Variants in SIRT4 observed in about 807,000 individuals in gnomAD.
SIRT4 encodes NAD-dependent protein lipoamidase sirtuin-4, mitochondrial.
Under a neutral mutation model 26.1 loss-of-function variants are expected in SIRT4, and 23 were observed. That is an observed-to-expected ratio of 0.88 (90% CI 0.63 to 1.25). SIRT4 has a LOEUF of 1.25. SIRT4 is among the 50% of genes most tolerant of loss of function. The pLI, the probability that SIRT4 is intolerant of heterozygous loss-of-function variation, is 0.00. For synonymous variants in SIRT4, 155 were observed against 158.4 expected (o/e 0.98, Z 0.16); for missense variants, 361 against 405.4 (o/e 0.89, Z 0.94).
At chr12:120,301,250 C>T (rs1872533613), upstream of SIRT4, among the ~76,000 whole-genome samples, 1 of 152,116 alleles carries the variant, frequency 6.6e-6, no homozygotes, top group African/African-American at 2.4e-5. Context: ...GAGGCTGAGG[C>T]AGGAGAATTG....
At chr12:120,298,424 C>T (rs1872413753), upstream of SIRT4, among the ~76,000 whole-genome samples, 1 of 151,796 alleles carries the variant, frequency 6.6e-6, no homozygotes, top group Non-Finnish European at 1.5e-5. Flanking sequence ...GAAACCCCGT[C>T]TCTACAAAAA....
the SIRT4 span, chr12:120,293,151 G>T: frequency 2.2e-4 from 34 of 152,280 alleles, no homozygotes; most frequent in Non-Finnish European, 3.8e-4. Flanking sequence ...AAGTCGTCAC[G>T]GCGGGGTATT....
chr12:120,291,921 GC>G, the SIRT4 span: 1 of 152,200 alleles, frequency 6.6e-6, no homozygotes, highest in African/African-American at 2.4e-5. Context: ...TTCTGTTCGC[GC>G]CCCGCTCCCC....
At chr12:120,292,178 G>A in the SIRT4 span, among the ~76,000 whole-genome samples, 1 of 152,220 alleles carries the variant, frequency 6.6e-6, no homozygotes, top group Non-Finnish European at 1.5e-5. Flanking sequence ...TGAATTTTGA[G>A]CGAGGAGAGT....
At chr12:120,292,972 C>T in the SIRT4 span, 3 of 152,074 alleles carry the variant, frequency 2.0e-5, no homozygotes, top group East Asian at 1.9e-4. Context: ...CGCGAATCAG[C>T]TGGTAAGACA....
chr12:120,302,133 A>G (rs1011870967), upstream of SIRT4, among the ~76,000 whole-genome samples: 2 of 152,184 alleles, frequency 1.3e-5, no homozygotes, highest in Non-Finnish European at 2.9e-5. Context: ...GTGCCCACAG[A>G]AATTGAAAAC....
the SIRT4 span, chr12:120,293,226 C>T: frequency 1.1e-4 from 17 of 152,212 alleles, no homozygotes; most frequent in African/African-American, 3.9e-4. Flanking sequence ...GATACTGCCA[C>T]TGCGCAAAGC....
intron 2 of SIRT4, among the ~76,000 whole-genome samples, chr12:120,304,825 ATATATATATATTTTTTT>A (rs1164641130): frequency 0.013 from 234 of 18,070 alleles, no homozygotes; most frequent in African/African-American, 0.045. Flanking sequence ...ATATATATAT[ATATATATATATTTTTTT>A]TTTTTTTTTT....
At chr12:120,292,725 T>G in the SIRT4 span, among the ~76,000 whole-genome samples, 1 of 138,604 alleles carries the variant, frequency 7.2e-6, no homozygotes, top group African/African-American at 2.8e-5. Flanking sequence ...CAAACGGAAA[T>G]CGCTAAACAG....
At chr12:120,299,481 G>A (rs1403111469), upstream of SIRT4, among the ~76,000 whole-genome samples, 1 of 150,734 alleles carries the variant, frequency 6.6e-6, no homozygotes, top group African/African-American at 2.4e-5. Flanking sequence ...CAGCCGGGAA[G>A]GCAGAGGCTT....
At chr12:120,298,103 G>C (rs907075109), upstream of SIRT4, among the ~76,000 whole-genome samples, 2 of 148,756 alleles carry the variant, frequency 1.3e-5, no homozygotes, top group African/African-American at 5.0e-5. Context: ...GGCTGAGGCA[G>C]GAGAATCACT....
the SIRT4 span, among the ~76,000 whole-genome samples, chr12:120,292,164 G>T: frequency 6.6e-6 from 1 of 152,230 alleles, no homozygotes; most frequent in Admixed American, 6.6e-5. Flanking sequence ...ACTCGGTTGA[G>T]ACTTGAATTT....
chr12:120,298,373 C>G (rs948412280), upstream of SIRT4, among the ~76,000 whole-genome samples: 7 of 151,970 alleles, frequency 4.6e-5, no homozygotes, highest in Non-Finnish European at 7.4e-5. Context: ...CTTTGGAAAG[C>G]CTAGAGCCCA....
the SIRT4 span, among the ~76,000 whole-genome samples, chr12:120,292,896 A>G: frequency 6.6e-6 from 1 of 152,224 alleles, no homozygotes; most frequent in South Asian, 2.1e-4. Flanking sequence ...AGTAGAGATC[A>G]CAAAATCAGC....
At chr12:120,298,498 G>A (rs1323850853), upstream of SIRT4, among the ~76,000 whole-genome samples, 4 of 151,836 alleles carry the variant, frequency 2.6e-5, no homozygotes, top group African/African-American at 9.7e-5. Flanking sequence ...AGGCTGAGGT[G>A]GGAGGATGGT....
chr12:120,304,410 G>A lies in SIRT4; in HGVS notation c.497+352G>A, dbSNP rs1270147084. 2.6e-5 allele frequency among the ~76,000 whole-genome samples: 4 copies of A among 152,236 alleles called. No individual in the cohort carries two copies. In the South Asian group the frequency reaches 6.2e-4, roughly 24 times the overall value. ...CACGCCTGTAATCCCAGCATTTTGG[G>A]AGGCTGAGGTGGGCAGATCACATGA... is the stretch of plus-strand genomic sequence containing the variant. On this transcript the variant is annotated intron_variant, in intron 2 of 3. Transcript: ENST00000202967.
intron 2 of SIRT4, among the ~76,000 whole-genome samples, chr12:120,304,803 TTATATA>T (rs1254801981): frequency 2.3e-4 from 14 of 60,406 alleles, no homozygotes; most frequent in African/African-American, 4.1e-4. Flanking sequence ...AAAGTAAATT[TTATATA>T]TATATATATA....
intron 2 of SIRT4, among the ~76,000 whole-genome samples, chr12:120,309,053 C>G (rs963239840): frequency 2.0e-5 from 3 of 152,002 alleles, no homozygotes; most frequent in Admixed American, 1.3e-4. Flanking sequence ...GTGGCACATG[C>G]CTGTAATCCC....
intron 2 of SIRT4, among the ~76,000 whole-genome samples, chr12:120,309,405 T>G (rs1029218917): frequency 6.6e-6 from 1 of 151,132 alleles, no homozygotes; most frequent in African/African-American, 2.4e-5. Flanking sequence ...GGGGCCTTTT[T>G]TTCTTTTCTT....
Sources: gnomAD v4.1 joint callset for allele counts (sites outside exome capture counted in the v4.1 genomes callset) on GRCh38, gnomAD v4.1.1 for gene constraint, MANE v1.5 for transcripts, NCBI Gene and HGNC (gene_info 2026-07-23, HGNC 2026-07-21) for gene names.